SDHAF3: variants seen among roughly 807,000 people sequenced by gnomAD.
SDHAF3 encodes the protein succinate dehydrogenase complex assembly factor 3.
In SDHAF3, 18 loss-of-function variants were observed where a neutral mutation model predicts 11.5. That is an observed-to-expected ratio of 1.56 (90% CI 1.08 to 2.32). SDHAF3 has a LOEUF of 2.32. Ranked by LOEUF, SDHAF3 falls within the 30% of genes most tolerant of loss-of-function variation. The probability of loss-of-function intolerance (pLI) is 0.00; values close to 1 mark genes in which losing one functional copy is unlikely to be tolerated. For missense variants in SDHAF3, 200 were observed against 154.4 expected (o/e 1.30, Z -1.57); for synonymous variants, 72 against 59.3 (o/e 1.21, Z -0.99).
chr7:97,167,226 G>C (rs987161460), intron 1 of SDHAF3, among the ~76,000 whole-genome samples: 9 of 152,120 alleles, frequency 5.9e-5, no homozygotes, highest in African/African-American at 2.2e-4. Flanking sequence ...CTGTTCTCAC[G>C]ATAGTGAGTT....
intron 1 of SDHAF3, among the ~76,000 whole-genome samples, chr7:97,144,418 G>T (rs10244434): frequency 2.5e-3 from 387 of 152,268 alleles, no homozygotes; most frequent in African/African-American, 8.9e-3. Context: ...TTTTTCCAGT[G>T]TTATCTTCTA....
intron 1 of SDHAF3, among the ~76,000 whole-genome samples, chr7:97,179,727 A>C (rs960731124): frequency 1.1e-4 from 16 of 143,588 alleles, no homozygotes; most frequent in Non-Finnish European, 2.4e-4. Context: ...TACCCCCCCT[A>C]CACACACAAA....
chr7:97,117,825 C>A lies in SDHAF3; in HGVS notation c.102C>A (p.Tyr34Ter), dbSNP rs764681659. 4 of 1,614,170 alleles carry A rather than the reference C, an allele frequency of 2.5e-6. No individual in the cohort carries two copies. The highest frequency in any genetic ancestry group is 4.5e-5 in the East Asian group (2 of 44,876). The change falls in exon 1 of 2, where the codon TAC becomes TAA. Residue 34 changes from tyrosine to a stop codon, truncating the protein, a stop_gained. Coordinates refer to ENST00000432641, the MANE Select transcript of SDHAF3 (RefSeq NM_020186.3). LOFTEE classifies it high-confidence loss of function. ...PPDLKSLGDQ[Y>*]VKDEFRRHKT... is the part of the protein sequence containing the mutation. ...ACCTCAAATCCCTGGGCGACCAGTA[C>A]GTGAAAGACGAATTTAGGAGACATA...
chr7:97,121,620 G>T (rs1791498008), intron 1 of SDHAF3, among the ~76,000 whole-genome samples: 1 of 152,164 alleles, frequency 6.6e-6, no homozygotes, highest in African/African-American at 2.4e-5. Flanking sequence ...TACTTTCACA[G>T]TGTTCAAAGT....
intron 1 of SDHAF3, among the ~76,000 whole-genome samples, chr7:97,165,203 C>T (rs1042851883): frequency 1.4e-4 from 22 of 152,180 alleles, no homozygotes; most frequent in East Asian, 5.8e-4. Context: ...AGGAGAATGG[C>T]GTGAACCCAG....
At chr7:97,164,962 G>C (rs1001351158) in intron 1 of SDHAF3, among the ~76,000 whole-genome samples, 2 of 152,178 alleles carry the variant, frequency 1.3e-5, no homozygotes, top group Non-Finnish European at 2.9e-5. Flanking sequence ...TCATGGCTGT[G>C]ATGAAATTGT....
At chr7:97,173,638 C>T (rs565832630) in intron 1 of SDHAF3, among the ~76,000 whole-genome samples, 17 of 151,576 alleles carry the variant, frequency 1.1e-4, no homozygotes, top group South Asian at 2.1e-4. Context: ...CTGCAAGCTC[C>T]GCCTCCCAGG....
At position 97,117,735 on chromosome 7, in the gene SDHAF3, G is replaced by C; in HGVS notation, c.12G>C (p.Arg4=). The change falls in exon 1 of 2, where the codon CGG becomes CGC. Residue 4 remains arginine, a synonymous_variant. Transcript: ENST00000432641. MPG[R]HVSRVRALYK... is the part of the protein sequence containing the mutation. ...CGGCGTGGGGCGCTATGCCGGGGCG[G>C]CACGTTTCTCGAGTCCGGGCATTGT... 1 of 1,612,838 alleles carries C rather than the reference G, an allele frequency of 6.2e-7. No individual in the cohort carries two copies. Among genetic ancestry groups the C allele is most frequent in the Non-Finnish European group, 8.5e-7 (1 of 1,179,400 alleles).
intron 1 of SDHAF3, 64 bp from the exon 2 acceptor site, chr7:97,180,948 A>T: frequency 7.3e-7 from 1 of 1,366,398 alleles, no homozygotes; most frequent in Non-Finnish European, 9.9e-7. Context: ...TTAGAATTCA[A>T]GTCCTCTAAT....
At chr7:97,166,562 T>C (rs1004274433) in intron 1 of SDHAF3, among the ~76,000 whole-genome samples, 3 of 152,220 alleles carry the variant, frequency 2.0e-5, no homozygotes, top group African/African-American at 7.2e-5. Context: ...TAAGACTTAC[T>C]GAGTCTGTTC....
intron 1 of SDHAF3, among the ~76,000 whole-genome samples, chr7:97,154,022 G>C (rs1385224748): frequency 6.6e-6 from 1 of 152,234 alleles, no homozygotes; most frequent in Non-Finnish European, 1.5e-5. Context: ...AGTCCAAAAA[G>C]AGAGTCAGCA....
chr7:97,148,238 T>A (rs548063049), intron 1 of SDHAF3, among the ~76,000 whole-genome samples: 1 of 152,304 alleles, frequency 6.6e-6, no homozygotes, highest in Admixed American at 6.5e-5. Context: ...GTTTCACCTT[T>A]AAGAATGAAT....
chr7:97,135,889 G>C (rs1017425230), intron 1 of SDHAF3, among the ~76,000 whole-genome samples: 1 of 150,826 alleles, frequency 6.6e-6, no homozygotes, highest in Non-Finnish European at 1.5e-5. Flanking sequence ...GGGTTTCACC[G>C]TGTTAGCCAG....
At chr7:97,166,677 A>G (rs914375706) in intron 1 of SDHAF3, among the ~76,000 whole-genome samples, 1 of 152,026 alleles carries the variant, frequency 6.6e-6, no homozygotes, top group Admixed American at 6.6e-5. Flanking sequence ...CTTTCCCATC[A>G]TGGCCTGAAC....
At chr7:97,128,585 G>A (rs1355766934) in intron 1 of SDHAF3, among the ~76,000 whole-genome samples, 1 of 152,144 alleles carries the variant, frequency 6.6e-6, no homozygotes. Context: ...GTAGAGGTAT[G>A]TGTATAGGTA....
chr7:97,129,822 G>A (rs1791638443), intron 1 of SDHAF3, among the ~76,000 whole-genome samples: 1 of 152,126 alleles, frequency 6.6e-6, no homozygotes, highest in South Asian at 2.1e-4. Flanking sequence ...TCTGCTGAGG[G>A]CGAGCCAGGC....
intron 1 of SDHAF3, among the ~76,000 whole-genome samples, chr7:97,140,928 G>C (rs1305060793): frequency 6.6e-6 from 1 of 152,236 alleles, no homozygotes; most frequent in Non-Finnish European, 1.5e-5. Flanking sequence ...GCGGAACAGA[G>C]CCATATTTCT....
chr7:97,159,605 AT>A (rs924886540), intron 1 of SDHAF3, among the ~76,000 whole-genome samples: 8 of 149,772 alleles, frequency 5.3e-5, no homozygotes, highest in Admixed American at 1.3e-4. Flanking sequence ...AACAACCCCA[AT>A]TTTTTTTTTC....
At chr7:97,122,922 T>C (rs1791522964) in intron 1 of SDHAF3, among the ~76,000 whole-genome samples, 1 of 152,148 alleles carries the variant, frequency 6.6e-6, no homozygotes, top group African/African-American at 2.4e-5. Context: ...CTTTTCTTTT[T>C]TTTTTTTCCA....
Sources: allele counts gnomAD v4.1 joint callset (sites outside exome capture counted in the v4.1 genomes callset), GRCh38; gene constraint gnomAD v4.1.1; transcripts MANE v1.5; gene names NCBI Gene and HGNC (gene_info 2026-07-23, HGNC 2026-07-21).